AP3D1: variants seen among roughly 807,000 people sequenced by gnomAD.
AP3D1 encodes the protein AP-3 complex subunit delta-1.
In AP3D1, 51 loss-of-function variants were observed where a neutral mutation model predicts 147.6. That is an observed-to-expected ratio of 0.35 (90% CI 0.28 to 0.44). The LOEUF (loss-of-function observed/expected upper bound fraction) is 0.44, where lower values mean the gene tolerates loss of function less well. AP3D1 is among the 20% of genes least tolerant of loss of function. The probability of loss-of-function intolerance (pLI) is 1.00; values close to 1 mark genes in which losing one functional copy is unlikely to be tolerated. For missense variants in AP3D1, 1,421 were observed against 1,624.2 expected (o/e 0.87, Z 2.15); for synonymous variants, 760 against 663.0 (o/e 1.15, Z -2.25).
chr19:2,156,048 G>A (rs1463932137), upstream of AP3D1, among the ~76,000 whole-genome samples: 3 of 131,362 alleles, frequency 2.3e-5, no homozygotes, highest in Non-Finnish European at 3.4e-5. Context: ...GCGAGACTCC[G>A]TCTCAAAAAA....
chr19:2,144,369 C>T (rs912010599), intron 1 of AP3D1, among the ~76,000 whole-genome samples: 12 of 152,208 alleles, frequency 7.9e-5, no homozygotes, highest in African/African-American at 1.7e-4. Context: ...AGAGCGGCCG[C>T]GGCCACCCTG....
chr19:2,136,917 C>T (rs886837560), intron 4 of AP3D1, 94 bp downstream of exon 4: 4 of 1,221,562 alleles, frequency 3.3e-6, no homozygotes, highest in Non-Finnish European at 2.3e-6. Flanking sequence ...CCACAGGCAC[C>T]TGCTGCCCAC....
intron 16 of AP3D1, 90 bp from the exon 17 acceptor site, chr19:2,116,836 G>C (rs1040437937): frequency 9.0e-5 from 130 of 1,444,020 alleles, no homozygotes; most frequent in Non-Finnish European, 1.1e-4. Flanking sequence ...CACGTGCCTG[G>C]CCATGTGATA....
chr19:2,121,100 G>T lies in AP3D1; in HGVS notation c.1251-8C>A, dbSNP rs775100941. On this transcript the variant is annotated splice_polypyrimidine_tract_variant and splice_region_variant and intron_variant, in intron 13 of 31. Transcript: ENST00000643116. ...ACCAGGATGCTGATGTACCTGTGGG[G>T]CAGAGGCGGTGAGTGAGCGGCGCCA... 5 of 1,613,780 alleles carry T rather than the reference G, an allele frequency of 3.1e-6. No individual in the cohort carries two copies. The highest frequency in any genetic ancestry group is 4.2e-6 in the Non-Finnish European group (5 of 1,179,888).
chr19:2,140,116 G>A (rs1008742291), intron 1 of AP3D1, among the ~76,000 whole-genome samples: 4 of 152,128 alleles, frequency 2.6e-5, no homozygotes, highest in Non-Finnish European at 4.4e-5. Flanking sequence ...CCCGGAGCAA[G>A]GATAACCCAC....
At chr19:2,143,213 G>C (rs2019267010) in intron 1 of AP3D1, among the ~76,000 whole-genome samples, 2 of 147,262 alleles carry the variant, frequency 1.4e-5, no homozygotes, top group Non-Finnish European at 1.5e-5. Flanking sequence ...ACAGGCACGT[G>C]CCACCATGCC....
chr19:2,106,047 C>T (rs888623497), intron 31 of AP3D1, among the ~76,000 whole-genome samples: 5 of 151,658 alleles, frequency 3.3e-5, no homozygotes, highest in African/African-American at 7.3e-5. Flanking sequence ...GAGCTGAGAT[C>T]GCACCACTGC....
rs534158864 is a variant in AP3D1, at chr19:2,129,244, C to CAGGGAATGCCCCACACAGGGTG, written c.732+52_732+73dup. On this transcript the variant is annotated intron_variant, in intron 7 of 31. Coordinates refer to ENST00000643116, the MANE Select transcript of AP3D1 (RefSeq NM_001261826.3). The stretch of plus-strand genomic sequence containing the variant: ...GGACAGGGGGGGCCTCGGTCACCCG[C>CAGGGAATGCCCCACACAGGGTG]AGGGAATGCCCCACACAGGGTGAGG... 2.3e-4 allele frequency: 378 copies of CAGGGAATGCCCCACACAGGGTG among 1,612,136 alleles called. 4 individuals are homozygous for CAGGGAATGCCCCACACAGGGTG. In the African/African-American group the frequency reaches 2.4e-3, roughly 10 times the overall value.
At chr19:2,113,493 G>A in intron 22 of AP3D1, 80 bp from the exon 23 acceptor site, 2 of 847,044 alleles carry the variant, frequency 2.4e-6, no homozygotes, top group South Asian at 4.9e-5. Context: ...GGGCCAAGGA[G>A]GCCCCAGCTG....
chr19:2,114,236 A>G lies in AP3D1; in HGVS notation c.2490T>C (p.Pro830=), dbSNP rs759306231. Residue 830 remains proline (P), a synonymous_variant, in exon 22 of 32, where the codon CCT becomes CCC. Transcript: ENST00000643116. ...TTTCTACCATGGGAACGTCCTTCTC[A>G]GGGGATTTTGAGGTCTCGGTGTTTC... ...KHRNTETSKS[P]EKDVPMVEKK... 31 of 1,608,860 alleles carry G rather than the reference A, an allele frequency of 1.9e-5. No homozygotes were observed. Among genetic ancestry groups the G allele is most frequent in the African/African-American group, 2.7e-5 (2 of 73,274 alleles).
In AP3D1 at chr19:2,130,505, C is replaced by T. The variant is rs747621116; in HGVS notation, c.495G>A (p.Lys165=). 1 of 1,613,980 alleles carries T rather than the reference C, an allele frequency of 6.2e-7. No homozygotes were observed. Among genetic ancestry groups the T allele is most frequent in the African/African-American group, 1.3e-5 (1 of 74,950 alleles). Residue 165 remains lysine (K), a synonymous_variant, in exon 6 of 32, where the codon AAG becomes AAA. Coordinates refer to ENST00000643116, the MANE Select transcript of AP3D1 (RefSeq NM_001261826.3). ...ACACCTTGTACATGATCAGCACAGC[C>T]TTCTTCCTGATGTAGGGCTTGGTGT... The part of the protein sequence containing the change: ...MSHTKPYIRK[K]AVLIMYKVFL...
chr19:2,114,083 G>C, intron 22 of AP3D1, 42 bp downstream of exon 22: 1 of 1,536,032 alleles, frequency 6.5e-7, no homozygotes, highest in Non-Finnish European at 8.8e-7. Flanking sequence ...CACGGCAAGG[G>C]AGGGGAATGG....
intron 1 of AP3D1, among the ~76,000 whole-genome samples, chr19:2,162,885 T>TC (rs771262966): frequency 6.6e-6 from 1 of 151,538 alleles, no homozygotes; most frequent in African/African-American, 2.4e-5. Flanking sequence ...GGTGTTGGTG[T>TC]CCCCCGGGGA....
At position 2,118,470 on chromosome 19, in the gene AP3D1, A is replaced by G. The variant is rs951876431; in HGVS notation, c.1713+131T>C. On this transcript the variant is annotated intron_variant, in intron 15 of 31. Transcript: ENST00000643116. ...CTAACCCCAAACCCCAGCTGGCACA[A>G]GTGGCAACAAAAGAATCTCAGTGAG... 5.6e-6 allele frequency: 5 copies of G among 893,518 alleles called. No individual in the cohort carries two copies. The African/African-American group carries it at 6.7e-5, about 12-fold the overall frequency. The allele number at this position is 893,518 out of a possible 1,614,324, so 55.3% of individuals were successfully genotyped here.
rs767585676 is a variant in AP3D1, at chr19:2,115,172, T to C, written c.2349+47A>G. Reference sequence around the variant, plus strand: ...TGTGCATGGCCCCAGGACACACACATGCGGAAAGATAGACATCCTAGGACC... The same window carrying C: ...TGTGCATGGCCCCAGGACACACACACGCGGAAAGATAGACATCCTAGGACC... On this transcript the variant is annotated intron_variant, in intron 20 of 31. Coordinates refer to ENST00000643116, the MANE Select transcript of AP3D1 (RefSeq NM_001261826.3). The C allele has an allele frequency of 3.8e-6, 6 of 1,572,134 alleles. No individual in the cohort carries two copies. In the Admixed American group the frequency reaches 1.0e-4, roughly 27 times the overall value.
intron 24 of AP3D1, chr19:2,112,311 G>GCACT (rs767430164): frequency 5.4e-6 from 1 of 186,352 alleles, no homozygotes; most frequent in Non-Finnish European, 1.1e-5. Flanking sequence ...ACCTGTCCAC[G>GCACT]CACTGGAACA....
In AP3D1 at chr19:2,137,088, T is replaced by C. The variant is rs1047297157; in HGVS notation, c.277A>G (p.Ile93Val). The C allele has an allele frequency of 4.4e-6, 7 of 1,583,162 alleles. No homozygotes were observed. The highest frequency in any genetic ancestry group is 3.5e-5 in the South Asian group (3 of 86,554). ...MSASKFTFKR[I>V]GYLAASQSFH... ...CTCTGGGAAGCAGCGAGGTAGCCAA[T>C]TCGCTGGGAGAGAACAGATGAGCAC... The change falls in exon 4 of 32, where the codon ATT becomes GTT. Residue 93 changes from isoleucine to valine, a missense_variant. Transcript: ENST00000643116.
In AP3D1 at chr19:2,132,502, G is replaced by C. The variant is rs777490323; in HGVS notation, c.431C>G (p.Ala144Gly). Reference protein sequence around the residue: ...GLSCFVTPDLARDLANDIMTL... With the variant: ...GLSCFVTPDLGRDLANDIMTL... ...CATGATGTCATTTGCCAGGTCTCTG[G>C]CAAGGTCTGGGGTGACGAAGCAGGA... Residue 144 changes from alanine to glycine, a missense_variant, in exon 5 of 32, where the codon GCC (alanine) becomes GGC (glycine). Ala to Gly is a moderately conservative substitution (Grantham distance 60). Transcript: ENST00000643116. The C allele has an allele frequency of 3.7e-6, 6 of 1,608,968 alleles. No individual in the cohort carries two copies. The South Asian group carries it at 6.6e-5, about 18-fold the overall frequency.
rs371796422 is a variant in AP3D1, at chr19:2,113,376, G to A, written c.2639C>T (p.Pro880Leu). The change falls in exon 23 of 32, where the codon CCG becomes CTG. Residue 880 changes from proline (P) to leucine (L), a missense_variant. This residue lies in a region of AP3D1 where 791 missense variants were observed against 761.4 expected (regional missense o/e 1.04). Transcript: ENST00000643116. ...DLDFWLSTTP[P>L]PAPAPAPAPV... ...GGCGGGGGCGGGGGCGGGGGCAGGC[G>A]GTGGGGTGGTAGACAGCCAGAAGTC... 1.5e-4 allele frequency: 218 copies of A among 1,463,584 alleles called. 1 individual carries two copies. Among genetic ancestry groups the A allele is most frequent in the Non-Finnish European group, 1.8e-4 (198 of 1,111,992 alleles). 90.7% of individuals were successfully genotyped at this position (1,463,584 alleles called of 1,614,324 possible). A position where few individuals can be genotyped will look rare whatever the true frequency, so the allele number is the denominator to read the frequency against.
Sources: gnomAD v4.1 joint callset for allele counts (sites outside exome capture counted in the v4.1 genomes callset) on GRCh38, gnomAD v4.1.1 for gene constraint, gnomAD v4.1.1 regional missense constraint, MANE v1.5 for transcripts, NCBI Gene and HGNC (gene_info 2026-07-23, HGNC 2026-07-21) for gene names.